TOP2A: variants seen among roughly 807,000 people sequenced by gnomAD.
TOP2A encodes DNA topoisomerase 2-alpha.
Under a neutral mutation model 187.2 loss-of-function variants are expected in TOP2A, and 68 were observed. The observed-to-expected ratio is 0.36, with a 90% confidence interval of 0.30 to 0.44. The LOEUF (loss-of-function observed/expected upper bound fraction) is 0.44, where lower values mean the gene tolerates loss of function less well. TOP2A is among the 20% of genes least tolerant of loss of function. TOP2A has a pLI of 1.00. For missense variants in TOP2A, 1,196 were observed against 1,808.7 expected (o/e 0.66, Z 6.14); for synonymous variants, 542 against 593.2 (o/e 0.91, Z 1.25).
intron 4 of TOP2A, among the ~76,000 whole-genome samples, chr17:40,414,246 G>T (rs1292501993): frequency 6.6e-6 from 1 of 152,168 alleles, no homozygotes; most frequent in Non-Finnish European, 1.5e-5. Context: ...CACCCAGGCT[G>T]CAGTGTAATG....
At chr17:40,403,386 T>C (rs2035204571) in intron 19 of TOP2A, among the ~76,000 whole-genome samples, 1 of 152,222 alleles carries the variant, frequency 6.6e-6, no homozygotes, top group South Asian at 2.1e-4. Context: ...GCTGTGTGTG[T>C]ATTGGCCCTC....
chr17:40,410,670 A>C (rs1290756826), intron 10 of TOP2A: 1 of 455,650 alleles, frequency 2.2e-6, no homozygotes, highest in East Asian at 6.9e-5. Flanking sequence ...GAAATAAAGG[A>C]AGGCTCCCAG....
At chr17:40,405,485 C>T (rs866745366) in intron 16 of TOP2A, among the ~76,000 whole-genome samples, 4 of 136,590 alleles carry the variant, frequency 2.9e-5, no homozygotes, top group Non-Finnish European at 4.6e-5. Flanking sequence ...GACAGAGTCT[C>T]GCTCTGTCGC....
At chr17:40,390,519 C>T (rs1454155110) in intron 33 of TOP2A, among the ~76,000 whole-genome samples, 1 of 151,598 alleles carries the variant, frequency 6.6e-6, no homozygotes, top group African/African-American at 2.4e-5. Flanking sequence ...ATGAATTGTT[C>T]TCATTGCGAA....
chr17:40,404,912 C>A, intron 16 of TOP2A, 29 bp from the exon 17 acceptor site: 2 of 1,377,718 alleles, frequency 1.5e-6, no homozygotes, highest in Non-Finnish European at 2.0e-6. Context: ...AAAGATGTCA[C>A]TGGTACTAAT....
chr17:40,410,648 TAG>T (rs1387895383), intron 10 of TOP2A: 2 of 456,208 alleles, frequency 4.4e-6, no homozygotes, highest in South Asian at 3.1e-5. Flanking sequence ...TTGACCGGAT[TAG>T]AGAGGAGGGG....
At chr17:40,405,416 G>A (rs545253976) in intron 16 of TOP2A, among the ~76,000 whole-genome samples, 1 of 150,646 alleles carries the variant, frequency 6.6e-6, no homozygotes, top group Non-Finnish European at 1.5e-5. Context: ...CTCCCAAAGT[G>A]CTATGATTAC....
chr17:40,390,007 G>A lies in TOP2A; in HGVS notation c.4425C>T (p.Asp1475=), dbSNP rs375119375. Residue 1475 remains aspartate (D), a synonymous_variant, in exon 34 of 35, where the codon GAC becomes GAT. Transcript: ENST00000423485. ...TCGAAACAATTTTCTCAAAATTAGA[G>A]TCAGAATCATCAGAAGTGGATGGCT... The part of the protein sequence containing the change: ...KRKPSTSDDS[D]SNFEKIVSKA... 1 of 1,613,886 alleles carries A rather than the reference G, an allele frequency of 6.2e-7. No homozygotes were observed. The highest frequency in any genetic ancestry group is 8.5e-7 in the Non-Finnish European group (1 of 1,179,856).
chr17:40,404,998 T>A, intron 16 of TOP2A, 115 bp from the exon 17 acceptor site: 1 of 680,938 alleles, frequency 1.5e-6, no homozygotes, highest in Non-Finnish European at 2.4e-6. Flanking sequence ...TCCTTTTTTT[T>A]TTTTTTTGAG....
At chr17:40,401,931 G>A (rs963830616) in intron 20 of TOP2A, among the ~76,000 whole-genome samples, 1 of 152,176 alleles carries the variant, frequency 6.6e-6, no homozygotes, top group South Asian at 2.1e-4. Flanking sequence ...ATAATGTCTG[G>A]TTAGCTAAAA....
chr17:40,391,438 T>C (rs1367063780), intron 33 of TOP2A, 68 bp downstream of exon 33: 4 of 1,458,326 alleles, frequency 2.7e-6, no homozygotes, highest in Non-Finnish European at 1.8e-6. Context: ...AATAAAAAAA[T>C]TGAAATAGAC....
rs2035341143 is a variant in TOP2A, at chr17:40,412,928, T to C, written c.620A>G (p.Lys207Arg). 1 of 1,613,734 alleles carries C rather than the reference T, an allele frequency of 6.2e-7. No homozygotes were observed. Among genetic ancestry groups the C allele is most frequent in the South Asian group, 1.1e-5 (1 of 91,016 alleles). Residue 207 changes from lysine (K) to arginine (R), a missense_variant, in exon 7 of 35, where the codon AAG becomes AGG. Coordinates refer to ENST00000423485, the MANE Select transcript of TOP2A (RefSeq NM_001067.4). ...NMGRAGEMELKPFNGEDYTCI... is the reference protein window; with the variant it reads ...NMGRAGEMELRPFNGEDYTCI... ...TGTATAATCTTCTCCATTGAAGGGC[T>C]TGAGTTCCATCTCACCAGCTCTTCC...
chr17:40,404,696 TA>T, intron 17 of TOP2A, 94 bp downstream of exon 17: 2 of 895,320 alleles, frequency 2.2e-6, no homozygotes, highest in Middle Eastern at 2.2e-4. Flanking sequence ...AATTTTTTAC[TA>T]AAATAACTAT....
At chr17:40,406,032 C>T (rs1346750338) in intron 16 of TOP2A, among the ~76,000 whole-genome samples, 2 of 152,164 alleles carry the variant, frequency 1.3e-5, no homozygotes, top group Admixed American at 1.3e-4. Context: ...TCCCAAAGTG[C>T]TGGGATTACA....
At position 40,395,449 on chromosome 17, in the gene TOP2A, C is replaced by A; in HGVS notation, c.3811G>T (p.Gly1271Cys). The A allele has an allele frequency of 1.9e-6, 3 of 1,597,328 alleles. No individual in the cohort carries two copies. The highest frequency in any genetic ancestry group is 2.6e-6 in the Non-Finnish European group (3 of 1,168,174). Reference protein sequence around the residue: ...RLEKKQKREPGTKTKKQTTLA... With the variant: ...RLEKKQKREPCTKTKKQTTLA... ...CATTTTTCTAAAAATGTTGTAATAC[C>A]TGGTTCTCTTTTCTGTTTCTTTTCT... Residue 1271 changes from glycine to cysteine, a missense_variant and splice_region_variant, in exon 29 of 35, where the codon GGT becomes TGT. By Grantham distance (159) the Gly-to-Cys change is radical. Coordinates refer to ENST00000423485, the MANE Select transcript of TOP2A (RefSeq NM_001067.4).
At chr17:40,414,601 C>T (rs545628824) in intron 4 of TOP2A, among the ~76,000 whole-genome samples, 1 of 152,192 alleles carries the variant, frequency 6.6e-6, no homozygotes, top group Admixed American at 6.5e-5. Context: ...TCCCAGCAAT[C>T]CCAGCACTTT....
In TOP2A at chr17:40,411,825, A is replaced by C. The variant is rs967546006; in HGVS notation, c.790-7T>G. ...AACTACGAAATCCTTTTACCTGTAC[A>C]GGAATTAAAGGTAACAGTATTAAGA... is the stretch of plus-strand genomic sequence containing the variant. On this transcript the variant is annotated splice_polypyrimidine_tract_variant and splice_region_variant and intron_variant, in intron 7 of 34. Transcript: ENST00000423485. The surrounding 1 kb of genome is among the most constrained non-coding windows in gnomAD (Gnocchi z 4.4). 2.5e-6 allele frequency: 4 copies of C among 1,568,716 alleles called. No homozygotes were observed. Among genetic ancestry groups the C allele is most frequent in the Non-Finnish European group, 3.4e-6 (4 of 1,163,578 alleles).
intron 27 of TOP2A, 67 bp from the exon 28 acceptor site, chr17:40,396,532 A>G (rs2035102935): frequency 1.9e-6 from 3 of 1,548,978 alleles, no homozygotes; most frequent in African/African-American, 1.4e-5. Context: ...TAAACACCCA[A>G]CAGTTAAACT....
rs1480657064 is a variant in TOP2A, at chr17:40,411,232, CAT to C, written c.1078_1079del (p.Met360ValfsTer9). The C allele has an allele frequency of 6.2e-7, 1 of 1,612,868 alleles. No homozygotes were observed. Among genetic ancestry groups the C allele is most frequent in the Non-Finnish European group, 8.5e-7 (1 of 1,179,656 alleles). On this transcript the variant is annotated frameshift_variant, in exon 10 of 35. Coordinates refer to ENST00000423485, the MANE Select transcript of TOP2A (RefSeq NM_001067.4). LOFTEE classifies it high-confidence loss of function. This position sits in a 1 kb window ranked among gnomAD's most constrained non-coding sequence, Gnocchi z 4.4. ...CAATTAAGGCATTTACAAAAATCCACATGTGATTTTTCACCTGCAATAGAAGT... is the reference window on the plus strand; with the variant it reads ...CAATTAAGGCATTTACAAAAATCCACGTGATTTTTCACCTGCAATAGAAGT... ...AVKAHQVKNH[M>X]WIFVNALIEN...
Sources: gnomAD v4.1 joint callset for allele counts (sites outside exome capture counted in the v4.1 genomes callset) on GRCh38, gnomAD v4.1.1 for gene constraint, Gnocchi (gnomAD v3.1) non-coding constraint, MANE v1.5 for transcripts, NCBI Gene and HGNC (gene_info 2026-07-23, HGNC 2026-07-21) for gene names.